Variants in DIAPH2 observed in about 807,000 individuals in gnomAD.
The protein encoded by DIAPH2 is diaphanous related formin 2.
In DIAPH2, 35 loss-of-function variants were observed where a neutral mutation model predicts 92.7. The ratio of observed to expected loss-of-function variants is 0.38; its 90% CI spans 0.29 to 0.50. The LOEUF is 0.50. Ranked by LOEUF, DIAPH2 falls within the 20% of genes least tolerant of loss-of-function variation. DIAPH2 has a pLI of 0.94. For synonymous variants in DIAPH2, 301 were observed against 280.4 expected (o/e 1.07, Z -0.73); for missense variants, 701 against 819.5 (o/e 0.86, Z 1.77).
chrX:97,569,322 A>T (rs1198875409), intron 26 of DIAPH2, among the ~76,000 whole-genome samples: 2 of 111,835 alleles, frequency 1.8e-5, no homozygotes, highest in Non-Finnish European at 3.8e-5. Flanking sequence ...ATCAGAAGAG[A>T]TTTTCACTTT....
intron 19 of DIAPH2, among the ~76,000 whole-genome samples, chrX:97,099,371 A>G (rs769266709): frequency 9.0e-6 from 1 of 111,464 alleles, no homozygotes; most frequent in South Asian, 3.8e-4. Flanking sequence ...TCTCCAAAAA[A>G]AAAAGAAAAT....
At chrX:97,039,142 A>G (rs1219399102) in intron 17 of DIAPH2, among the ~76,000 whole-genome samples, 2 of 111,126 alleles carry the variant, frequency 1.8e-5, no homozygotes, top group African/African-American at 6.5e-5. Flanking sequence ...ACTGTATCTT[A>G]TTGTTTTTAT....
chrX:96,855,867 G>A (rs1390013142), intron 4 of DIAPH2, among the ~76,000 whole-genome samples: 2 of 111,259 alleles, frequency 1.8e-5, no homozygotes, highest in Non-Finnish European at 3.8e-5. Context: ...TAAACATTGT[G>A]AGCTTTATAA....
In DIAPH2 at chrX:97,400,747, A is replaced by C. The variant is rs6615907; in HGVS notation, c.3145+16703A>C. 2.9e-3 allele frequency among the ~76,000 whole-genome samples: 321 copies of C among 111,782 alleles called. 8 individuals are homozygous for C. The East Asian group carries it at 0.079, about 27-fold the overall frequency. On this transcript the variant is annotated intron_variant, in intron 25 of 26. Coordinates refer to ENST00000324765, the MANE Select transcript of DIAPH2 (RefSeq NM_006729.5). ...TGAGATTGACTTTTTTAGATTGCAC[A>C]TCTAAGTGAGATCATGCAGTATTTG...
At chrX:97,458,656 T>C (rs5920922) in intron 26 of DIAPH2, among the ~76,000 whole-genome samples, 4,656 of 111,733 alleles carry the variant, frequency 0.042, 65 homozygotes, top group African/African-American at 0.054. Context: ...TAGTTTACTC[T>C]TTTTGTTATA....
intron 23 of DIAPH2, among the ~76,000 whole-genome samples, chrX:97,316,882 G>A (rs1435860299): frequency 8.9e-6 from 1 of 111,975 alleles, no homozygotes; most frequent in South Asian, 3.7e-4. Context: ...ATGGGTTTAT[G>A]TGTGGGGGTC....
At chrX:97,464,981 G>A (rs1201176261) in intron 26 of DIAPH2, among the ~76,000 whole-genome samples, 2 of 110,648 alleles carry the variant, frequency 1.8e-5, no homozygotes, top group African/African-American at 3.3e-5. Flanking sequence ...CCCAAGTGCT[G>A]GAATTACAGG....
intron 4 of DIAPH2, among the ~76,000 whole-genome samples, chrX:96,777,164 T>A (rs942662498): frequency 5.4e-5 from 6 of 111,949 alleles, no homozygotes; most frequent in Non-Finnish European, 7.5e-5. Flanking sequence ...CTAGAAGCAT[T>A]TTATGCCTTG....
At chrX:97,402,207 CGT>C (rs10695870) in intron 25 of DIAPH2, among the ~76,000 whole-genome samples, 1,912 of 99,789 alleles carry the variant, frequency 0.019, 43 homozygotes, top group African/African-American at 0.062. Context: ...TCATTTGCAT[CGT>C]GTGTGTGTGT....
chrX:97,217,669 C>T (rs747974005), intron 22 of DIAPH2, among the ~76,000 whole-genome samples: 10 of 112,319 alleles, frequency 8.9e-5, no homozygotes, highest in Non-Finnish European at 1.7e-4. Context: ...ATTTAAAGGC[C>T]GGGCGTGTTG....
chrX:97,089,894 A>AT (rs1423991214), intron 19 of DIAPH2, among the ~76,000 whole-genome samples: 1 of 109,532 alleles, frequency 9.1e-6, no homozygotes, highest in Admixed American at 9.8e-5. Context: ...TGCCCGGCTA[A>AT]TTTTTTTGTA....
chrX:96,828,490 G>A (rs1367709413), intron 4 of DIAPH2, among the ~76,000 whole-genome samples: 5 of 111,546 alleles, frequency 4.5e-5, no homozygotes, highest in Non-Finnish European at 9.4e-5. Context: ...GGGAAATTTT[G>A]CATGCTCTAC....
rs372242341 is a variant in DIAPH2, at chrX:97,013,057, T to C, written c.2050+47850T>C. Among the ~76,000 whole-genome samples the C allele has an allele frequency of 5.3e-5, 6 of 112,218 alleles. No homozygotes were observed. In the East Asian group the frequency reaches 1.4e-3, roughly 26 times the overall value. The stretch of plus-strand genomic sequence containing the variant: ...CTAAGTCTCTCCCTTGCTGTTGCTC[T>C]TGTTTGCCTGCTGATGCTGGAAGGT... On this transcript the variant is annotated intron_variant, in intron 17 of 26. Transcript: ENST00000324765.
chrX:96,735,076 G>A (rs1484333325), intron 1 of DIAPH2, among the ~76,000 whole-genome samples: 2 of 111,166 alleles, frequency 1.8e-5, no homozygotes, highest in South Asian at 3.8e-4. Context: ...GAACTATCCC[G>A]TGAATCATGG....
At chrX:97,582,624 A>T (rs1369657461) in intron 26 of DIAPH2, among the ~76,000 whole-genome samples, 1 of 107,068 alleles carries the variant, frequency 9.3e-6, no homozygotes, top group Non-Finnish European at 1.9e-5. Context: ...CCTTCATTTC[A>T]GCTTTGGTGA....
At chrX:97,568,013 G>A (rs976189582) in intron 26 of DIAPH2, among the ~76,000 whole-genome samples, 2 of 104,250 alleles carry the variant, frequency 1.9e-5, no homozygotes, top group Non-Finnish European at 3.9e-5. Flanking sequence ...CTACTCAGGA[G>A]GCTGAGGCAG....
In DIAPH2 at chrX:96,801,256, A is replaced by G. The variant is rs752257972; in HGVS notation, c.447+42998A>G. On this transcript the variant is annotated intron_variant, in intron 4 of 26. Coordinates refer to ENST00000324765, the MANE Select transcript of DIAPH2 (RefSeq NM_006729.5). ...AAGAACTTTGCTACAGCAAGCAATC[A>G]TTAAATCATGCAGAAATATTTCTTT... Among the ~76,000 whole-genome samples the G allele has an allele frequency of 4.7e-4, 53 of 112,313 alleles. 1 individual carries two copies. The highest frequency in any genetic ancestry group is 1.6e-3 in the African/African-American group (50 of 31,033).
chrX:97,154,306 C>T (rs1300418581), intron 22 of DIAPH2, among the ~76,000 whole-genome samples: 2 of 111,199 alleles, frequency 1.8e-5, no homozygotes, highest in Admixed American at 9.6e-5. Flanking sequence ...TTTCTACTTC[C>T]GTGTCTCTTG....
At chrX:96,708,660 C>T (rs1026958254) in intron 1 of DIAPH2, among the ~76,000 whole-genome samples, 3 of 112,384 alleles carry the variant, frequency 2.7e-5, no homozygotes, top group African/African-American at 9.7e-5. Context: ...TTTGAATGTA[C>T]TTTATTGTGA....
Sources: allele counts gnomAD v4.1 joint callset (sites outside exome capture counted in the v4.1 genomes callset), GRCh38; gene constraint gnomAD v4.1.1; transcripts MANE v1.5; gene names NCBI Gene and HGNC (gene_info 2026-07-23, HGNC 2026-07-21).